IL19: variants seen among roughly 807,000 people sequenced by gnomAD.
The protein encoded by IL19 is interleukin 19, also known as interleukin-19.
IL19 carries 15 observed loss-of-function variants against 19.5 expected under a neutral mutation model. That is an observed-to-expected ratio of 0.77 (90% CI 0.52 to 1.19). IL19 has a LOEUF of 1.19. Among genes scored for constraint, IL19 ranks in the 50% most tolerant of loss-of-function variants. IL19 has a pLI of 0.00. For synonymous variants in IL19, 78 were observed against 78.3 expected, an observed-to-expected ratio of 1.00 and a Z score of 0.02; for missense variants, 199 against 213.1, an observed-to-expected ratio of 0.93 and a Z score of 0.41.
At chr1:206,794,691 A>T (rs1467208093) in intron 1 of IL19, among the ~76,000 whole-genome samples, 1 of 152,144 alleles carries the variant, frequency 6.6e-6, no homozygotes, top group African/African-American at 2.4e-5. Context: ...GAGACCTGCG[A>T]GGTGGGTAGG....
chr1:206,813,365 T>C (rs1191306855), intron 2 of IL19, among the ~76,000 whole-genome samples: 4 of 152,156 alleles, frequency 2.6e-5, no homozygotes, highest in Non-Finnish European at 4.4e-5. Context: ...TCCTTCATCA[T>C]AACTTTTTTT....
At chr1:206,828,452 A>G (rs1265980201) in intron 2 of IL19, among the ~76,000 whole-genome samples, 1 of 152,212 alleles carries the variant, frequency 6.6e-6, no homozygotes, top group Non-Finnish European at 1.5e-5. Context: ...GTAGTTTCCA[A>G]TAAATTTGCT....
At chr1:206,836,577 C>G in intron 2 of IL19, 84 bp from the exon 3 acceptor site, 2 of 1,319,148 alleles carry the variant, frequency 1.5e-6, no homozygotes, top group Non-Finnish European at 1.0e-6. Context: ...GCCTTCGAGG[C>G]TGGAAAGGAG....
At chr1:206,801,880 G>C (rs1319907343) in intron 2 of IL19, among the ~76,000 whole-genome samples, 1 of 152,194 alleles carries the variant, frequency 6.6e-6, no homozygotes, top group Non-Finnish European at 1.5e-5. Context: ...TGATTACCTG[G>C]GTATCTTGAC....
intron 1 of IL19, among the ~76,000 whole-genome samples, chr1:206,780,518 G>C (rs1324897679): frequency 6.6e-6 from 1 of 152,162 alleles, no homozygotes; most frequent in Non-Finnish European, 1.5e-5. Context: ...AGCTTTTCCA[G>C]TTTTTAAAAG....
chr1:206,824,076 C>T (rs1676366920), intron 2 of IL19, among the ~76,000 whole-genome samples: 1 of 152,234 alleles, frequency 6.6e-6, no homozygotes, highest in Admixed American at 6.5e-5. Context: ...GCTCCTGCTG[C>T]TCACTCAAGC....
intron 2 of IL19, among the ~76,000 whole-genome samples, chr1:206,806,580 G>A (rs1363438492): frequency 1.3e-5 from 2 of 152,178 alleles, no homozygotes; most frequent in Non-Finnish European, 2.9e-5. Flanking sequence ...CACTCATAAC[G>A]TATGCACTCG....
intron 2 of IL19, among the ~76,000 whole-genome samples, chr1:206,831,008 C>A (rs1308578779): frequency 6.6e-6 from 1 of 152,152 alleles, no homozygotes; most frequent in Non-Finnish European, 1.5e-5. Context: ...CTAAATCCTG[C>A]AATGGGCCAC....
intron 1 of IL19, among the ~76,000 whole-genome samples, chr1:206,793,438 G>T (rs1675449786): frequency 6.6e-6 from 1 of 152,198 alleles, no homozygotes. Flanking sequence ...TCCCTTGAGG[G>T]ATTCCCCGAC....
At chr1:206,782,331 C>A (rs959462031) in intron 1 of IL19, among the ~76,000 whole-genome samples, 1 of 151,978 alleles carries the variant, frequency 6.6e-6, no homozygotes, top group Non-Finnish European at 1.5e-5. Flanking sequence ...TGTAATATGC[C>A]GTTTTAGTTG....
chr1:206,799,402 G>T (rs960352629), intron 2 of IL19, among the ~76,000 whole-genome samples: 2 of 152,162 alleles, frequency 1.3e-5, no homozygotes, highest in South Asian at 2.1e-4. Context: ...TAAGGAGCCT[G>T]GGGTGTCTCA....
chr1:206,831,384 C>T (rs1256920499), intron 2 of IL19, among the ~76,000 whole-genome samples: 4 of 152,128 alleles, frequency 2.6e-5, no homozygotes, highest in Admixed American at 1.3e-4. Context: ...AGTCCTAATT[C>T]TAAGGCAGAT....
intron 2 of IL19, among the ~76,000 whole-genome samples, chr1:206,807,728 C>T (rs935456945): frequency 6.6e-6 from 1 of 152,116 alleles, no homozygotes; most frequent in Non-Finnish European, 1.5e-5. Context: ...AAAGCAGGGA[C>T]CATGTTTATT....
chr1:206,771,549 G>T, intron 1 of IL19: 1 of 751,572 alleles, frequency 1.3e-6, no homozygotes, highest in Non-Finnish European at 2.3e-6. Context: ...ATCAAAAGGG[G>T]AGTTTTAAAA....
intron 1 of IL19, among the ~76,000 whole-genome samples, chr1:206,780,785 C>G (rs1675110945): frequency 6.6e-6 from 1 of 152,172 alleles, no homozygotes; most frequent in African/African-American, 2.4e-5. Context: ...ATGTAAGTAT[C>G]AAATCACTCT....
chr1:206,806,221 G>A (rs111661754), intron 2 of IL19, among the ~76,000 whole-genome samples: 4 of 152,162 alleles, frequency 2.6e-5, no homozygotes, highest in African/African-American at 9.7e-5. Flanking sequence ...GAGAGGATGG[G>A]TCAGCTTTAC....
intron 2 of IL19, 105 bp downstream of exon 2, chr1:206,799,111 A>G: frequency 1.3e-6 from 1 of 784,070 alleles, no homozygotes; most frequent in Non-Finnish European, 2.2e-6. Context: ...TCAGACACCT[A>G]TGAACTGACA....
chr1:206,779,857 T>TC (rs376934654), intron 1 of IL19, among the ~76,000 whole-genome samples: 3,290 of 103,766 alleles, frequency 0.032, 114 homozygotes, highest in African/African-American at 0.12. Context: ...TCTCTCTCTC[T>TC]TTTTTTTTTT....
At chr1:206,831,914 C>T (rs1018084977) in intron 2 of IL19, among the ~76,000 whole-genome samples, 5 of 152,220 alleles carry the variant, frequency 3.3e-5, no homozygotes, top group African/African-American at 1.2e-4. Flanking sequence ...AAAGCTAGGT[C>T]AGAACATATA....
Sources: gnomAD v4.1 joint callset for allele counts (sites outside exome capture counted in the v4.1 genomes callset) on GRCh38, gnomAD v4.1.1 for gene constraint, MANE v1.5 for transcripts, NCBI Gene and HGNC (gene_info 2026-07-23, HGNC 2026-07-21) for gene names.